SORBS2: variants seen among roughly 807,000 people sequenced by gnomAD.
SORBS2 encodes sorbin and SH3 domain containing 2, also known as sorbin and SH3 domain-containing protein 2.
A neutral mutation model predicts 97.7 loss-of-function variants in SORBS2; 46 were observed. The observed-to-expected ratio is 0.47, with a 90% confidence interval of 0.37 to 0.60. SORBS2 has a LOEUF of 0.60. SORBS2 is among the 20% of genes least tolerant of loss of function. The pLI is 0.00. For synonymous variants in SORBS2, 476 were observed against 473.4 expected (o/e 1.01, Z -0.07); for missense variants, 1,316 against 1,282.3 (o/e 1.03, Z -0.40).
chr4:185,798,666 G>A (rs565357659), intron 1 of SORBS2, among the ~76,000 whole-genome samples: 14 of 152,136 alleles, frequency 9.2e-5, no homozygotes, highest in East Asian at 1.9e-4. Context: ...AAAGCGTCTC[G>A]AAAGCTAGTA....
At chr4:185,771,074 A>G in intron 2 of SORBS2, 1 of 133,364 alleles carries the variant, frequency 7.5e-6, no homozygotes, top group Non-Finnish European at 1.5e-5. Flanking sequence ...TCCGCCTCCC[A>G]GGTTCAAGCT....
At chr4:185,637,112 T>C (rs2097022369) in intron 4 of SORBS2, among the ~76,000 whole-genome samples, 1 of 152,270 alleles carries the variant, frequency 6.6e-6, no homozygotes, top group South Asian at 2.1e-4. Context: ...ATATCCCTAA[T>C]GGTAAACTAG....
intron 2 of SORBS2, among the ~76,000 whole-genome samples, chr4:185,743,938 C>G (rs2098743632): frequency 6.8e-6 from 1 of 147,336 alleles, no homozygotes; most frequent in Admixed American, 6.8e-5. Context: ...TCCTCCTCCT[C>G]TTTCTCCTCC....
chr4:185,807,826 G>A (rs570895236), intron 1 of SORBS2, among the ~76,000 whole-genome samples: 109 of 152,236 alleles, frequency 7.2e-4, no homozygotes, highest in African/African-American at 1.7e-3. Context: ...GTTAGTTTGA[G>A]GAACTTCCAG....
In SORBS2 at chr4:185,877,867, CAAAAAACA is replaced by C. The variant is rs1197169899; in HGVS notation, c.-338+78321_-338+78328del. On this transcript the variant is annotated intron_variant, in intron 1 of 20. Coordinates refer to the SORBS2 transcript ENST00000284776. ...CCTGGGTGACAGAGTGAGACTCTGTCAAAAAACAAAAAAAAAAAAGAAAGAAAGAAGAA... is the reference window on the plus strand; with the variant it reads ...CCTGGGTGACAGAGTGAGACTCTGTCAAAAAAAAAAAGAAAGAAAGAAGAA... Among the ~76,000 whole-genome samples the C allele has an allele frequency of 2.6e-4, 13 of 50,466 alleles. No individual in the cohort carries two copies. The South Asian group carries it at 3.7e-3, about 14-fold the overall frequency. The allele number at this position is 50,466 out of a possible 152,430, so 33.1% of individuals were successfully genotyped here. A position where few individuals can be genotyped will look rare whatever the true frequency, so the allele number is the denominator to read the frequency against.
chr4:185,792,593 A>G (rs2099085556), intron 1 of SORBS2, among the ~76,000 whole-genome samples: 1 of 152,168 alleles, frequency 6.6e-6, no homozygotes, highest in South Asian at 2.1e-4. Flanking sequence ...AGAAAATATG[A>G]ACAAGCAAAG....
At chr4:185,893,430 T>C (rs911925891) in intron 1 of SORBS2, among the ~76,000 whole-genome samples, 1 of 152,158 alleles carries the variant, frequency 6.6e-6, no homozygotes, top group Non-Finnish European at 1.5e-5. Flanking sequence ...CTTGTCAAAC[T>C]TCATTATTCT....
chr4:185,621,757 TG>T (rs1561464736), intron 7 of SORBS2, among the ~76,000 whole-genome samples: 8 of 151,510 alleles, frequency 5.3e-5, no homozygotes, highest in Non-Finnish European at 7.4e-5. Flanking sequence ...TTTTTTTGTC[TG>T]AGATTATATT....
At chr4:185,872,753 C>T (rs1017673072) in intron 1 of SORBS2, among the ~76,000 whole-genome samples, 30 of 152,164 alleles carry the variant, frequency 2.0e-4, no homozygotes, top group African/African-American at 6.5e-4. Flanking sequence ...TCTTTTCTTC[C>T]TTTCTCCTGA....
At chr4:185,706,784 A>C (rs35837246) in intron 2 of SORBS2, among the ~76,000 whole-genome samples, 22,132 of 152,146 alleles carry the variant, frequency 0.15, 2,110 homozygotes, top group African/African-American at 0.27. Flanking sequence ...ATAATGATAT[A>C]ATGCTGCATA....
Position 185,781,768 on chromosome 4 carries a change from A to G in SORBS2, c.-337-6402T>C, listed in dbSNP as rs556815416. 2.0e-5 allele frequency among the ~76,000 whole-genome samples: 3 copies of G among 152,348 alleles called. No individual in the cohort carries two copies. The East Asian group carries it at 5.8e-4, about 29-fold the overall frequency. On this transcript the variant is annotated intron_variant, in intron 1 of 20. Transcript: ENST00000284776. ...CCAGGGCCCTGGCTTGCCTGGCTCA[A>G]TGTGATGGGAATGCCTTCCCTGCCC...
intron 2 of SORBS2, among the ~76,000 whole-genome samples, chr4:185,770,717 C>T (rs2098965209): frequency 6.6e-6 from 1 of 151,856 alleles, no homozygotes; most frequent in Non-Finnish European, 1.5e-5. Context: ...AAAACAAGTA[C>T]ATTGTATATG....
In SORBS2 at chr4:185,638,271, C is replaced by T. The variant is rs1001836610; in HGVS notation, c.397-7673G>A. The T allele has an allele frequency of 4.1e-6, 3 of 732,024 alleles. No individual in the cohort carries two copies. In the African/African-American group the frequency reaches 5.2e-5, roughly 13 times the overall value. The allele number at this position is 732,024 out of a possible 1,614,324, so 45.3% of individuals were successfully genotyped here. On this transcript the variant is annotated intron_variant, in intron 4 of 14. Transcript: ENST00000418609. ...CGCGCATTGACACGCAAACATGCAT[C>T]AACTCTCACCCCACGAACCTCAGCA...
At chr4:185,865,789 A>G (rs1444412155) in intron 1 of SORBS2, among the ~76,000 whole-genome samples, 1 of 152,232 alleles carries the variant, frequency 6.6e-6, no homozygotes, top group Non-Finnish European at 1.5e-5. Context: ...CGGGTTTTAA[A>G]GTCTGCTCCC....
intron 1 of SORBS2, among the ~76,000 whole-genome samples, chr4:185,861,364 G>C (rs1354041385): frequency 6.6e-6 from 1 of 151,896 alleles, no homozygotes; most frequent in Non-Finnish European, 1.5e-5. Flanking sequence ...TTTTATTTTT[G>C]GTTTACATGA....
At chr4:185,712,935 C>T (rs1160761736) in intron 2 of SORBS2, among the ~76,000 whole-genome samples, 2 of 152,208 alleles carry the variant, frequency 1.3e-5, no homozygotes, top group Admixed American at 6.5e-5. Flanking sequence ...CCACCTAACA[C>T]CTTAGTCTAG....
At chr4:185,658,783 C>T (rs1358690124), upstream of SORBS2, among the ~76,000 whole-genome samples, 2 of 146,790 alleles carry the variant, frequency 1.4e-5, no homozygotes, top group Non-Finnish European at 3.0e-5. Context: ...TGGGTTCAAG[C>T]GATTCTCCTG....
upstream of SORBS2, among the ~76,000 whole-genome samples, chr4:185,658,524 A>G (rs1251442152): frequency 6.6e-6 from 1 of 151,886 alleles, no homozygotes; most frequent in African/African-American, 2.4e-5. Flanking sequence ...CTTTGTATAT[A>G]CTCTTTATAT....
chr4:185,816,191 C>G (rs1159215384), intron 1 of SORBS2, among the ~76,000 whole-genome samples: 1 of 152,168 alleles, frequency 6.6e-6, no homozygotes, highest in Non-Finnish European at 1.5e-5. Flanking sequence ...TTTTGAAATC[C>G]TTATTAGTCT....
Sources: allele counts gnomAD v4.1 joint callset (sites outside exome capture counted in the v4.1 genomes callset), GRCh38; gene constraint gnomAD v4.1.1; transcripts MANE v1.5; gene names NCBI Gene and HGNC (gene_info 2026-07-23, HGNC 2026-07-21).